Variants in GALNT17 observed in about 807,000 individuals in gnomAD.
GALNT17 encodes the protein polypeptide N-acetylgalactosaminyltransferase 17.
A neutral mutation model predicts 63.7 loss-of-function variants in GALNT17; 29 were observed. The observed-to-expected ratio is 0.46, with a 90% CI of 0.34 to 0.62. The LOEUF is 0.62. GALNT17 is among the 20% of genes least tolerant of loss of function. The pLI is 0.01. For synonymous variants in GALNT17, 305 were observed against 318.3 expected (o/e 0.96, Z 0.45); for missense variants, 603 against 799.6 (o/e 0.75, Z 2.97).
chr7:71,502,207 T>C (rs960935334), intron 5 of GALNT17, among the ~76,000 whole-genome samples: 3 of 152,232 alleles, frequency 2.0e-5, no homozygotes, highest in African/African-American at 4.8e-5. Context: ...CTGTGCTGTG[T>C]CTATTCCTCA....
intron 5 of GALNT17, among the ~76,000 whole-genome samples, chr7:71,457,126 T>G (rs1231161902): frequency 6.6e-6 from 1 of 152,202 alleles, no homozygotes; most frequent in East Asian, 1.9e-4. Flanking sequence ...GAGGGATGAC[T>G]TTCTGTCCTG....
chr7:71,550,411 C>G (rs1430656084), intron 5 of GALNT17, among the ~76,000 whole-genome samples: 2 of 151,942 alleles, frequency 1.3e-5, no homozygotes, highest in Non-Finnish European at 2.9e-5. Context: ...GATGGAGTCT[C>G]GCTCTGTCCC....
intron 6 of GALNT17, among the ~76,000 whole-genome samples, chr7:71,624,914 G>A (rs976316688): frequency 2.0e-5 from 3 of 152,178 alleles, no homozygotes; most frequent in Admixed American, 6.5e-5. Flanking sequence ...CATCATTAGA[G>A]CAATGACATC....
chr7:71,181,145 C>T (rs1788727218), intron 1 of GALNT17, among the ~76,000 whole-genome samples: 1 of 151,570 alleles, frequency 6.6e-6, no homozygotes, highest in Admixed American at 6.6e-5. Context: ...GTCCCAGCTA[C>T]TTGGGAGGTT....
intron 2 of GALNT17, among the ~76,000 whole-genome samples, chr7:71,368,082 G>A (rs980097048): frequency 6.6e-6 from 1 of 152,170 alleles, no homozygotes; most frequent in African/African-American, 2.4e-5. Context: ...AGGAGCCGAA[G>A]AACAGACGTG....
chr7:71,197,925 C>T (rs1021660130), intron 1 of GALNT17, among the ~76,000 whole-genome samples: 1 of 151,974 alleles, frequency 6.6e-6, no homozygotes. Flanking sequence ...AGGCCAGGCA[C>T]GGTGACTCAT....
intron 1 of GALNT17, among the ~76,000 whole-genome samples, chr7:71,298,377 A>G (rs1360588960): frequency 3.8e-4 from 1 of 2,608 alleles, no homozygotes; most frequent in East Asian, 0.033. Context: ...ACTTTTTGCA[A>G]AAACAATCAG....
chr7:71,321,884 TTCC>T (rs1354326344), intron 1 of GALNT17, among the ~76,000 whole-genome samples: 3 of 65,234 alleles, frequency 4.6e-5, no homozygotes, highest in Non-Finnish European at 9.6e-5. Flanking sequence ...CCTTCCTTCC[TTCC>T]TTCCTTCCTT....
intron 1 of GALNT17, among the ~76,000 whole-genome samples, chr7:71,184,452 CCA>C (rs1377947815): frequency 2.6e-5 from 4 of 152,132 alleles, no homozygotes; most frequent in Middle Eastern, 3.2e-3. Context: ...TCATCAGAGC[CCA>C]TCTGCTGGCT....
chr7:71,481,532 T>C (rs949060285), intron 5 of GALNT17, among the ~76,000 whole-genome samples: 6 of 152,146 alleles, frequency 3.9e-5, no homozygotes, highest in Admixed American at 2.6e-4. Flanking sequence ...CCCAGAATTC[T>C]CTTCCTTGTG....
intron 1 of GALNT17, among the ~76,000 whole-genome samples, chr7:71,261,605 C>T (rs1282611760): frequency 4.6e-5 from 7 of 152,102 alleles, no homozygotes; most frequent in Non-Finnish European, 7.4e-5. Context: ...AAGCTCCTTC[C>T]TCCGTGAAAT....
intron 1 of GALNT17, among the ~76,000 whole-genome samples, chr7:71,292,028 A>T (rs1790988429): frequency 1.3e-5 from 2 of 152,188 alleles, no homozygotes; most frequent in South Asian, 4.1e-4. Flanking sequence ...TCTTTCTGGG[A>T]ACATGTAACT....
chr7:71,262,389 T>C (rs577455130), intron 1 of GALNT17, among the ~76,000 whole-genome samples: 1 of 152,276 alleles, frequency 6.6e-6, no homozygotes, highest in South Asian at 2.1e-4. Flanking sequence ...GTGCTGAGAT[T>C]ACAGGTGTAA....
At chr7:71,505,652 C>T (rs978193341) in intron 5 of GALNT17, among the ~76,000 whole-genome samples, 1 of 152,070 alleles carries the variant, frequency 6.6e-6, no homozygotes, top group African/African-American at 2.4e-5. Context: ...CTGAAGAGGT[C>T]CCATTACCCC....
chr7:71,142,954 A>T (rs1248102201), intron 1 of GALNT17, among the ~76,000 whole-genome samples: 1 of 152,072 alleles, frequency 6.6e-6, no homozygotes. Flanking sequence ...AAAAAAAAAA[A>T]AAAAGGAATG....
In GALNT17 at chr7:71,266,252, T is replaced by C. The variant is rs139028235; in HGVS notation, c.239-69298T>C. ...ATTTACTCACATCTGCCGATATGGT[T>C]TGGCTCTGTGTCCCAACCCAAATCT... On this transcript the variant is annotated intron_variant, in intron 1 of 10. Coordinates refer to ENST00000333538, the MANE Select transcript of GALNT17 (RefSeq NM_022479.3). Among the ~76,000 whole-genome samples, 12 of 152,278 alleles carry C rather than the reference T, an allele frequency of 7.9e-5. No individual in the cohort carries two copies. The East Asian group carries it at 2.1e-3, about 27-fold the overall frequency.
intron 1 of GALNT17, among the ~76,000 whole-genome samples, chr7:71,153,337 G>GA (rs1788167638): frequency 1.3e-5 from 2 of 152,206 alleles, no homozygotes; most frequent in African/African-American, 2.4e-5. Context: ...GATGAATGAT[G>GA]TTATTGACAT....
chr7:71,332,458 G>A (rs916225995), intron 1 of GALNT17, among the ~76,000 whole-genome samples: 48 of 152,282 alleles, frequency 3.2e-4, no homozygotes, highest in African/African-American at 1.1e-3. Context: ...TCTGAGAGCA[G>A]ACATAGACTC....
chr7:71,165,270 C>T (rs1240539465), intron 1 of GALNT17, among the ~76,000 whole-genome samples: 9 of 152,134 alleles, frequency 5.9e-5, no homozygotes, highest in Middle Eastern at 3.2e-3. Context: ...TCTGAAAATC[C>T]GAGTTCAAGT....
Sources: allele counts gnomAD v4.1 joint callset (sites outside exome capture counted in the v4.1 genomes callset), GRCh38; gene constraint gnomAD v4.1.1; transcripts MANE v1.5; gene names NCBI Gene and HGNC (gene_info 2026-07-23, HGNC 2026-07-21).